DMC1: variants seen among roughly 807,000 people sequenced by gnomAD.
DMC1 encodes DNA meiotic recombinase 1, also known as meiotic recombination protein DMC1 homolog.
A neutral mutation model predicts 50.1 loss-of-function variants in DMC1; 27 were observed. The observed-to-expected ratio is 0.54, with a 90% CI of 0.40 to 0.74. The LOEUF is 0.74. DMC1 is among the 30% of genes least tolerant of loss of function. DMC1 has a pLI of 0.00. For synonymous variants in DMC1, 148 were observed against 136.1 expected, an observed-to-expected ratio of 1.09 and a Z score of -0.61; for missense variants, 295 against 420.2, an observed-to-expected ratio of 0.70 and a Z score of 2.60.
intron 12 of DMC1, among the ~76,000 whole-genome samples, chr22:38,534,904 G>A (rs1357770904): frequency 1.3e-5 from 2 of 151,936 alleles, no homozygotes; most frequent in Non-Finnish European, 2.9e-5. Context: ...TACTCGGGAG[G>A]CTGAGGCAGG....
intron 5 of DMC1, among the ~76,000 whole-genome samples, chr22:38,559,933 G>A (rs1292735205): frequency 1.3e-5 from 2 of 151,850 alleles, no homozygotes; most frequent in African/African-American, 4.8e-5. Flanking sequence ...CAGGTGAATC[G>A]CTTGAACCTG....
At chr22:38,551,856 C>CTTTTTTTTTTTTTTTTTTTTTTTT (rs71761663) in intron 7 of DMC1, among the ~76,000 whole-genome samples, 1 of 93,184 alleles carries the variant, frequency 1.1e-5, no homozygotes, top group Non-Finnish European at 2.1e-5. Context: ...GAACTCCTTT[C>CTTTTTTTTTTTTTTTTTTTTTTTT]TTTTTTTTTT....
At chr22:38,555,440 G>T (rs769201126) in intron 5 of DMC1, 31 bp from the exon 6 acceptor site, 16 of 1,388,822 alleles carry the variant, frequency 1.2e-5, no homozygotes, top group East Asian at 6.9e-5. Context: ...TTAGTAACAG[G>T]AATAGAAATA....
chr22:38,544,596 C>T (rs778903694), intron 8 of DMC1, among the ~76,000 whole-genome samples: 15 of 152,142 alleles, frequency 9.9e-5, no homozygotes, highest in East Asian at 9.6e-4. Flanking sequence ...GGCTGTGTCA[C>T]GGGCGTATCC....
intron 12 of DMC1, among the ~76,000 whole-genome samples, chr22:38,536,614 CTT>C (rs968547223): frequency 1.3e-5 from 2 of 152,066 alleles, no homozygotes; most frequent in African/African-American, 4.8e-5. Flanking sequence ...AGAAAGATGA[CTT>C]TTTTGTTTTT....
chr22:38,554,659 G>A (rs370233799), intron 6 of DMC1, among the ~76,000 whole-genome samples: 57 of 151,518 alleles, frequency 3.8e-4, no homozygotes, highest in Non-Finnish European at 5.3e-4. Flanking sequence ...GCAACATAGC[G>A]AGACCCTTTA....
intron 12 of DMC1, among the ~76,000 whole-genome samples, chr22:38,523,356 C>G (rs2090050628): frequency 6.6e-6 from 1 of 152,140 alleles, no homozygotes; most frequent in African/African-American, 2.4e-5. Flanking sequence ...TCAGGTCACC[C>G]TACCTTACAG....
At chr22:38,520,601 G>A (rs369219138) in intron 13 of DMC1, among the ~76,000 whole-genome samples, 3 of 151,920 alleles carry the variant, frequency 2.0e-5, no homozygotes, top group East Asian at 1.9e-4. Context: ...CAGGTGATCC[G>A]CCTGCCTCGG....
chr22:38,548,540 C>T (rs1230608622), intron 8 of DMC1, among the ~76,000 whole-genome samples: 1 of 152,082 alleles, frequency 6.6e-6, no homozygotes, highest in African/African-American at 2.4e-5. Context: ...GGCCACTGCA[C>T]TCCAGCCTGG....
chr22:38,517,363 G>C (rs967949516), downstream of DMC1, among the ~76,000 whole-genome samples: 4 of 152,168 alleles, frequency 2.6e-5, no homozygotes, highest in Non-Finnish European at 5.9e-5. Context: ...GAGGTCAGGA[G>C]TTCGAGACCA....
At chr22:38,567,740 C>T (rs1239296262) in intron 2 of DMC1, 113 bp from the exon 3 acceptor site, 7 of 788,612 alleles carry the variant, frequency 8.9e-6, no homozygotes, top group African/African-American at 3.4e-5. Flanking sequence ...CCTCAAATTC[C>T]GCTTCTCTAG....
At chr22:38,525,979 A>G (rs536057559) in intron 12 of DMC1, among the ~76,000 whole-genome samples, 16 of 151,476 alleles carry the variant, frequency 1.1e-4, no homozygotes, top group African/African-American at 3.1e-4. Flanking sequence ...AAAATAAAAG[A>G]AAAAAAAAGA....
intron 12 of DMC1, among the ~76,000 whole-genome samples, chr22:38,536,462 G>A (rs1037198903): frequency 9.9e-5 from 15 of 151,956 alleles, no homozygotes; most frequent in African/African-American, 2.4e-4. Context: ...ATTCACTGCC[G>A]TCTTTCAGAG....
rs2090243863 is a variant in DMC1, at chr22:38,538,559, C to T, written c.640G>A (p.Ala214Thr). ...DYVAAKFHEEAGIFKLLIIDS... is the reference protein window; with the variant it reads ...DYVAAKFHEETGIFKLLIIDS... Reference sequence around the variant, plus strand: ...TGTACCAATAGCTTGAAGATGCCAGCTTCTTCATGGAACTTTGCTGCTACA... The same window carrying T: ...TGTACCAATAGCTTGAAGATGCCAGTTTCTTCATGGAACTTTGCTGCTACA... The change falls in exon 10 of 14, where the codon GCT (alanine) becomes ACT (threonine). Residue 214 changes from alanine to threonine, a missense_variant. Ala to Thr is a moderately conservative substitution (Grantham distance 58, BLOSUM62 0). Transcript: ENST00000216024. 1 of 1,614,032 alleles carries T rather than the reference C, an allele frequency of 6.2e-7. No individual in the cohort carries two copies. Among genetic ancestry groups the T allele is most frequent in the Non-Finnish European group, 8.5e-7 (1 of 1,179,980 alleles).
intron 6 of DMC1, 115 bp from the exon 7 acceptor site, chr22:38,552,822 A>C (rs2090426823): frequency 1.4e-6 from 1 of 730,354 alleles, no homozygotes; most frequent in Admixed American, 2.5e-5. Flanking sequence ...CAACTGGCAA[A>C]TCTTACTTAT....
At chr22:38,564,287 A>G (rs1470758731) in intron 4 of DMC1, among the ~76,000 whole-genome samples, 8 of 152,154 alleles carry the variant, frequency 5.3e-5, no homozygotes, top group Non-Finnish European at 8.8e-5. Context: ...ACTGGGCAAC[A>G]TAGTGAGATA....
intron 12 of DMC1, among the ~76,000 whole-genome samples, chr22:38,533,188 C>T (rs908079578): frequency 1.3e-5 from 2 of 151,564 alleles, no homozygotes; most frequent in African/African-American, 4.8e-5. Flanking sequence ...GTCAGGAGAT[C>T]GAGACCATCC....
intron 12 of DMC1, among the ~76,000 whole-genome samples, chr22:38,535,274 G>C (rs1373721237): frequency 6.6e-6 from 1 of 151,706 alleles, no homozygotes; most frequent in Non-Finnish European, 1.5e-5. Flanking sequence ...ACTCTAGCCT[G>C]GGTGACAGAG....
chr22:38,569,797 A>G (rs1185063672), intron 1 of DMC1, among the ~76,000 whole-genome samples: 2 of 152,112 alleles, frequency 1.3e-5, no homozygotes, highest in Admixed American at 1.3e-4. Flanking sequence ...GCCGCCGGAC[A>G]TTTTCCTGAC....
Sources: gnomAD v4.1 joint callset for allele counts (sites outside exome capture counted in the v4.1 genomes callset) on GRCh38, gnomAD v4.1.1 for gene constraint, MANE v1.5 for transcripts, NCBI Gene and HGNC (gene_info 2026-07-23, HGNC 2026-07-21) for gene names.